Variants in GPCPD1 observed in about 807,000 individuals in gnomAD.
GPCPD1 encodes glycerophosphocholine phosphodiesterase 1, also known as glycerophosphocholine phosphodiesterase GPCPD1.
Under a neutral mutation model 89.2 loss-of-function variants are expected in GPCPD1, and 29 were observed. The observed-to-expected ratio is 0.33, with a 90% CI of 0.24 to 0.44. GPCPD1 has a LOEUF of 0.44. GPCPD1 is among the 20% of genes least tolerant of loss of function. The pLI, the probability that GPCPD1 is intolerant of heterozygous loss-of-function variation, is 1.00. For synonymous variants in GPCPD1, 258 were observed against 266.3 expected, an observed-to-expected ratio of 0.97 and a Z score of 0.30; for missense variants, 594 against 808.9, an observed-to-expected ratio of 0.73 and a Z score of 3.22.
Position 5,554,201 on chromosome 20 carries a change from G to A in GPCPD1, c.1829+3744C>T, listed in dbSNP as rs539673954. 1.1e-4 allele frequency among the ~76,000 whole-genome samples: 10 copies of A among 89,054 alleles called. 1 individual carries two copies. Among genetic ancestry groups the A allele is most frequent in the Non-Finnish European group, 2.1e-4 (9 of 43,724 alleles). 58.4% of individuals were successfully genotyped at this position (89,054 alleles called of 152,430 possible). A position where few individuals can be genotyped will look rare whatever the true frequency, so the allele number is the denominator to read the frequency against. On this transcript the variant is annotated intron_variant, in intron 19 of 19. Coordinates refer to ENST00000379019, the MANE Select transcript of GPCPD1 (RefSeq NM_019593.5). Reference sequence around the variant, plus strand: ...GGTTTTCACCGTGTTAGCCAGGATGGTCTCCATCTCCTGACCTTGTGATCC... The same window carrying A: ...GGTTTTCACCGTGTTAGCCAGGATGATCTCCATCTCCTGACCTTGTGATCC...
chr20:5,592,605 A>G (rs1005487504), intron 4 of GPCPD1, among the ~76,000 whole-genome samples: 2 of 152,202 alleles, frequency 1.3e-5, no homozygotes, highest in Non-Finnish European at 1.5e-5. Context: ...GAGCTAATCC[A>G]TGATTTGTAT....
At position 5,545,785 on chromosome 20, in the gene GPCPD1, T is replaced by C. The variant is rs1568634461; in HGVS notation, c.*1876A>G. 1.3e-5 allele frequency: 2 copies of C among 152,286 alleles called. No homozygotes were observed. Among genetic ancestry groups the C allele is most frequent in the East Asian group, 1.9e-4 (1 of 5,196 alleles). The allele number at this position is 152,286 out of a possible 1,614,324, so 9.4% of individuals were successfully genotyped here. On this transcript the variant is annotated 3_prime_UTR_variant, in exon 20 of 20. Coordinates refer to ENST00000379019, the MANE Select transcript of GPCPD1 (RefSeq NM_019593.5). ...CTGTCTGTATTGTAGGCAGTGACTG[T>C]CTGCTCTCCCCAGCAACTAAACTGC...
rs1986628864 is a variant in GPCPD1, at chr20:5,570,193, A to G, written c.1103T>C (p.Val368Ala). The G allele has an allele frequency of 6.3e-7, 1 of 1,597,110 alleles. No individual in the cohort carries two copies. The highest frequency in any genetic ancestry group is 2.2e-5 in the East Asian group (1 of 44,672). ...GGTAAGATCATGATATACCACGGGC[A>G]CAAAGTCCTTTGAAAGGTGTACGTC... Reference protein sequence around the residue: ...EFDVHLSKDFVPVVYHDLTCC... With the variant: ...EFDVHLSKDFAPVVYHDLTCC... The change falls in exon 12 of 20, where the codon GTG (valine) becomes GCG (alanine). Residue 368 changes from valine to alanine, a missense_variant. By Grantham distance (64) the Val-to-Ala change is moderately conservative. Transcript: ENST00000379019.
In GPCPD1 at chr20:5,586,187, C is replaced by G. The variant is rs775286554; in HGVS notation, c.307+7G>C. The G allele has an allele frequency of 6.9e-7, 1 of 1,456,962 alleles. No homozygotes were observed. Among genetic ancestry groups the G allele is most frequent in the Non-Finnish European group, 9.6e-7 (1 of 1,037,700 alleles). The allele number at this position is 1,456,962 out of a possible 1,614,324, so 90.3% of individuals were successfully genotyped here. On this transcript the variant is annotated splice_region_variant and intron_variant, in intron 5 of 19. Coordinates refer to ENST00000379019, the MANE Select transcript of GPCPD1 (RefSeq NM_019593.5). ...ATGCCTCAAACAGATGCAGTTAATG[C>G]CCATACCTAAAGGGGTTATTGATCG...
At chr20:5,553,180 G>A (rs901318008) in intron 19 of GPCPD1, among the ~76,000 whole-genome samples, 8 of 152,062 alleles carry the variant, frequency 5.3e-5, no homozygotes, top group Non-Finnish European at 7.4e-5. Context: ...TCATATCTGC[G>A]TCACATTTTG....
intron 18 of GPCPD1, 86 bp downstream of exon 18, chr20:5,558,598 G>A (rs530011239): frequency 5.2e-6 from 4 of 771,926 alleles, no homozygotes; most frequent in African/African-American, 1.9e-5. Context: ...GTTAACATTA[G>A]ATGGGTAAAG....
In GPCPD1 at chr20:5,601,976, A is replaced by T. The variant is rs576786553; in HGVS notation, c.49+2388T>A. ...AGTTATAAAAGATTATGAAGACTTG[A>T]ATGCTTACTAAAGAAATCTGCAAAC... On this transcript the variant is annotated intron_variant, in intron 2 of 19. Coordinates refer to ENST00000379019, the MANE Select transcript of GPCPD1 (RefSeq NM_019593.5). 3.6e-4 allele frequency among the ~76,000 whole-genome samples: 55 copies of T among 152,312 alleles called. 2 individuals are homozygous for T. In the South Asian group the frequency reaches 0.011, roughly 30 times the overall value.
At chr20:5,563,336 G>A (rs1280965614) in intron 15 of GPCPD1, among the ~76,000 whole-genome samples, 1 of 152,054 alleles carries the variant, frequency 6.6e-6, no homozygotes, top group East Asian at 1.9e-4. Context: ...TTGCGTGTGT[G>A]TTTTAACTTA....
intron 16 of GPCPD1, among the ~76,000 whole-genome samples, chr20:5,560,551 T>C (rs1349813112): frequency 6.6e-6 from 1 of 152,198 alleles, no homozygotes; most frequent in African/African-American, 2.4e-5. Context: ...TCAATAAATA[T>C]AGCCAAGACA....
intron 19 of GPCPD1, among the ~76,000 whole-genome samples, chr20:5,551,414 T>C (rs1271405466): frequency 1.3e-5 from 2 of 152,170 alleles, no homozygotes; most frequent in Non-Finnish European, 2.9e-5. Flanking sequence ...TGAAAGTCAT[T>C]GTACTATCAA....
intron 11 of GPCPD1, among the ~76,000 whole-genome samples, chr20:5,570,794 T>G (rs1986673131): frequency 6.6e-6 from 1 of 152,106 alleles, no homozygotes; most frequent in African/African-American, 2.4e-5. Context: ...AGGAAAAAGA[T>G]GATGCTCATG....
chr20:5,560,140 T>C, intron 16 of GPCPD1, 64 bp from the exon 17 acceptor site: 1 of 1,187,494 alleles, frequency 8.4e-7, no homozygotes, highest in Non-Finnish European at 1.2e-6. Flanking sequence ...AGCAACTCTG[T>C]TTTTATTCTG....
chr20:5,605,394 T>C (rs1251136865), intron 1 of GPCPD1, among the ~76,000 whole-genome samples: 1 of 152,120 alleles, frequency 6.6e-6, no homozygotes, highest in African/African-American at 2.4e-5. Context: ...ACAACCAAAG[T>C]ATCACCCACT....
At chr20:5,559,823 A>G (rs1031087642) in intron 17 of GPCPD1, 117 bp downstream of exon 17, 4 of 559,602 alleles carry the variant, frequency 7.1e-6, no homozygotes, top group African/African-American at 2.0e-5. Flanking sequence ...ACAACCTGAC[A>G]TGATTTCAGA....
rs143241062 is a variant in GPCPD1, at chr20:5,547,388, TG to T, written c.*272del. The T allele has an allele frequency of 3.5e-3, 659 of 186,612 alleles. 6 individuals carry two copies. The highest frequency in any genetic ancestry group is 0.015 in the African/African-American group (632 of 42,926). The allele number at this position is 186,612 out of a possible 1,614,324, so 11.6% of individuals were successfully genotyped here. On this transcript the variant is annotated 3_prime_UTR_variant, in exon 20 of 20. Transcript: ENST00000379019. ...AAGTGCTATGCTTTTAATGAACATA[TG>T]TTTAACATTATAGATTTATATATTT...
At chr20:5,562,821 A>G (rs117920809) in intron 15 of GPCPD1, among the ~76,000 whole-genome samples, 2 of 152,166 alleles carry the variant, frequency 1.3e-5, no homozygotes, top group South Asian at 4.1e-4. Context: ...ATTTTCTCCT[A>G]TATCTAAAGA....
Position 5,547,454 on chromosome 20 carries a change from AC to A in GPCPD1, c.*206del, listed in dbSNP as rs1985088839. ...ATATTACTAACCAATAAATTTTCTC[AC>A]TATAAAGAGACTGACTGGCAATTAT... On this transcript the variant is annotated 3_prime_UTR_variant, in exon 20 of 20. Coordinates refer to ENST00000379019, the MANE Select transcript of GPCPD1 (RefSeq NM_019593.5). 1 of 339,754 alleles carries A rather than the reference AC, an allele frequency of 2.9e-6. No homozygotes were observed. The highest frequency in any genetic ancestry group is 4.7e-5 in the Admixed American group (1 of 21,296). The allele number at this position is 339,754 out of a possible 1,614,324, so 21.0% of individuals were successfully genotyped here.
intron 4 of GPCPD1, among the ~76,000 whole-genome samples, chr20:5,591,698 T>TA (rs1459410123): frequency 6.6e-6 from 1 of 152,232 alleles, no homozygotes; most frequent in Non-Finnish European, 1.5e-5. Context: ...ATAATACTTC[T>TA]ATTAAAAATG....
rs140111716 is a variant in GPCPD1, at chr20:5,602,793, G to A, written c.49+1571C>T. On this transcript the variant is annotated intron_variant, in intron 2 of 19. Coordinates refer to ENST00000379019, the MANE Select transcript of GPCPD1 (RefSeq NM_019593.5). ...AGGTCAGGAGTTTGAGACTGGCCTG[G>A]CCAACATGGCAAAACCCCATCTCTA... 2.1e-3 allele frequency among the ~76,000 whole-genome samples: 318 copies of A among 152,180 alleles called. 1 individual carries two copies. Among genetic ancestry groups the A allele is most frequent in the African/African-American group, 7.3e-3 (301 of 41,510 alleles).
Sources: gnomAD v4.1 joint callset for allele counts (sites outside exome capture counted in the v4.1 genomes callset) on GRCh38, gnomAD v4.1.1 for gene constraint, MANE v1.5 for transcripts, NCBI Gene and HGNC (gene_info 2026-07-23, HGNC 2026-07-21) for gene names.